Variants in DOK6 observed in about 807,000 individuals in gnomAD.
DOK6 encodes docking protein 6.
Under a neutral mutation model 44.0 loss-of-function variants are expected in DOK6, and 22 were observed. The ratio of observed to expected loss-of-function variants is 0.50; its 90% CI spans 0.36 to 0.71. The LOEUF (loss-of-function observed/expected upper bound fraction) is 0.71. DOK6 is among the 30% of genes least tolerant of loss of function. The pLI, the probability that DOK6 is intolerant of heterozygous loss-of-function variation, is 0.00. For missense variants in DOK6, 340 were observed against 416.4 expected (o/e 0.82, Z 1.60); for synonymous variants, 166 against 145.5 (o/e 1.14, Z -1.01).
intron 5 of DOK6, among the ~76,000 whole-genome samples, chr18:69,719,495 C>G (rs1457232012): frequency 2.0e-5 from 3 of 152,140 alleles, no homozygotes; most frequent in Admixed American, 2.0e-4. Flanking sequence ...CTACATGACT[C>G]CTGAGCAGTA....
At chr18:69,745,170 T>C (rs1298255686) in intron 6 of DOK6, among the ~76,000 whole-genome samples, 2 of 152,202 alleles carry the variant, frequency 1.3e-5, no homozygotes, top group African/African-American at 4.8e-5. Flanking sequence ...TATGTATGTA[T>C]GTACATGTAT....
intron 3 of DOK6, chr18:69,660,153 C>T (rs1394271583): frequency 2.0e-5 from 3 of 152,042 alleles, no homozygotes; most frequent in Admixed American, 6.6e-5. Flanking sequence ...AGGGCCCCGA[C>T]TTTCTTCCTG....
At position 69,843,268 on chromosome 18, in the gene DOK6, G is replaced by A. The variant is rs1599356241; in HGVS notation, c.*1885G>A. On this transcript the variant is annotated 3_prime_UTR_variant, in exon 8 of 8. Transcript: ENST00000382713. Reference sequence around the variant, plus strand: ...TGACACAGCGGAGGAGCAGATGACTGGTTCCTACAACTGTACAGCCTTCCT... The same window carrying A: ...TGACACAGCGGAGGAGCAGATGACTAGTTCCTACAACTGTACAGCCTTCCT... 1 of 152,194 alleles carries A rather than the reference G, an allele frequency of 6.6e-6. No individual in the cohort carries two copies. Among genetic ancestry groups the A allele is most frequent in the African/African-American group, 2.4e-5 (1 of 41,450 alleles). 9.4% of individuals were successfully genotyped at this position (152,194 alleles called of 1,614,324 possible).
At chr18:69,489,500 G>A (rs900318188) in intron 1 of DOK6, among the ~76,000 whole-genome samples, 1 of 151,986 alleles carries the variant, frequency 6.6e-6, no homozygotes, top group African/African-American at 2.4e-5. Context: ...GGAAATTGAC[G>A]GTACTACAAA....
intron 1 of DOK6, among the ~76,000 whole-genome samples, chr18:69,440,395 C>A (rs1047277078): frequency 6.6e-6 from 1 of 152,122 alleles, no homozygotes; most frequent in Non-Finnish European, 1.5e-5. Context: ...TTGCTTAACA[C>A]AGGGTTGTCA....
chr18:69,798,705 A>G (rs959695479), intron 7 of DOK6, among the ~76,000 whole-genome samples: 2 of 151,826 alleles, frequency 1.3e-5, no homozygotes, highest in Non-Finnish European at 1.5e-5. Flanking sequence ...TCTCTTAAAT[A>G]AACTAAATCA....
chr18:69,433,692 A>T (rs1978870048), intron 1 of DOK6, among the ~76,000 whole-genome samples: 1 of 152,150 alleles, frequency 6.6e-6, no homozygotes. Flanking sequence ...AACAAAAAAC[A>T]AAACAGTTAT....
chr18:69,802,663 A>G (rs1354072827), intron 7 of DOK6, among the ~76,000 whole-genome samples: 1 of 152,070 alleles, frequency 6.6e-6, no homozygotes, highest in Non-Finnish European at 1.5e-5. Context: ...AGGTTATTTA[A>G]GAGTCTGTCA....
chr18:69,502,277 C>T (rs1981069198), intron 1 of DOK6, among the ~76,000 whole-genome samples: 1 of 151,836 alleles, frequency 6.6e-6, no homozygotes, highest in Admixed American at 6.6e-5. Flanking sequence ...GGAATATATT[C>T]AACAGATAAG....
chr18:69,704,639 C>G lies in DOK6; in HGVS notation c.599+6046C>G, dbSNP rs571186026. On this transcript the variant is annotated intron_variant, in intron 5 of 7. Coordinates refer to ENST00000382713, the MANE Select transcript of DOK6 (RefSeq NM_152721.6). Reference sequence around the variant, plus strand: ...GACTACAGGCGCCCGCCACCATGCCCAGCTAATTTTTTTGTATTTTTACTA... The same window carrying G: ...GACTACAGGCGCCCGCCACCATGCCGAGCTAATTTTTTTGTATTTTTACTA... Among the ~76,000 whole-genome samples, 80 of 152,082 alleles carry G rather than the reference C, an allele frequency of 5.3e-4. 1 individual carries two copies. Among genetic ancestry groups the G allele is most frequent in the South Asian group, 1.9e-3 (9 of 4,810 alleles).
chr18:69,547,257 C>T lies in DOK6; in HGVS notation c.67-17230C>T, dbSNP rs532215606. On this transcript the variant is annotated intron_variant, in intron 1 of 7. Transcript: ENST00000382713. The stretch of plus-strand genomic sequence containing the variant: ...CTGGGATTACAGACGCGCACCACCA[C>T]GCCCAGCTAATTTTTGTATTTTTAG... Among the ~76,000 whole-genome samples the T allele has an allele frequency of 1.9e-4, 28 of 151,200 alleles. 1 individual carries two copies. The highest frequency in any genetic ancestry group is 3.0e-4 in the Non-Finnish European group (20 of 67,646).
chr18:69,429,277 A>C (rs1017522496), intron 1 of DOK6, among the ~76,000 whole-genome samples: 5 of 152,064 alleles, frequency 3.3e-5, no homozygotes, highest in African/African-American at 1.2e-4. Flanking sequence ...CTGTGAATTG[A>C]AGATGTGATG....
intron 1 of DOK6, among the ~76,000 whole-genome samples, chr18:69,447,693 G>A (rs1239838069): frequency 6.6e-6 from 1 of 152,126 alleles, no homozygotes; most frequent in Non-Finnish European, 1.5e-5. Flanking sequence ...TATTTTCATG[G>A]AGTCAGAAGG....
intron 1 of DOK6, among the ~76,000 whole-genome samples, chr18:69,517,104 C>T (rs1391668294): frequency 5.3e-5 from 8 of 152,016 alleles, no homozygotes; most frequent in Non-Finnish European, 1.0e-4. Context: ...CTCACAGTTC[C>T]GTTTGTGGAT....
chr18:69,474,929 A>G (rs1001114271), intron 1 of DOK6, among the ~76,000 whole-genome samples: 1 of 152,348 alleles, frequency 6.6e-6, no homozygotes, highest in Admixed American at 6.5e-5. Context: ...TTTAAAAACA[A>G]TGTATCCATT....
intron 5 of DOK6, among the ~76,000 whole-genome samples, chr18:69,705,791 T>C (rs1196369747): frequency 6.6e-6 from 1 of 152,214 alleles, no homozygotes; most frequent in Non-Finnish European, 1.5e-5. Context: ...CTCTTTCTTT[T>C]TAGTACCATA....
At chr18:69,787,247 T>C (rs1980459731) in intron 7 of DOK6, among the ~76,000 whole-genome samples, 1 of 152,144 alleles carries the variant, frequency 6.6e-6, no homozygotes, top group Non-Finnish European at 1.5e-5. Context: ...CAAAACTTGA[T>C]GAATTTTCTC....
intron 1 of DOK6, among the ~76,000 whole-genome samples, chr18:69,488,343 G>C (rs1980641520): frequency 1.3e-5 from 2 of 152,158 alleles, no homozygotes; most frequent in African/African-American, 4.8e-5. Flanking sequence ...CAAACGTTCA[G>C]TCTTAACACT....
chr18:69,835,420 G>C (rs982971975), intron 7 of DOK6, among the ~76,000 whole-genome samples: 1 of 151,394 alleles, frequency 6.6e-6, no homozygotes, highest in South Asian at 2.1e-4. Flanking sequence ...AGCCAAAATC[G>C]CACCACTGCA....
Sources: gnomAD v4.1 joint callset for allele counts (sites outside exome capture counted in the v4.1 genomes callset) on GRCh38, gnomAD v4.1.1 for gene constraint, MANE v1.5 for transcripts, NCBI Gene and HGNC (gene_info 2026-07-23, HGNC 2026-07-21) for gene names.